HIBADH: variants seen among roughly 807,000 people sequenced by gnomAD.
The protein encoded by HIBADH is 3-hydroxyisobutyrate dehydrogenase.
Under a neutral mutation model 36.1 loss-of-function variants are expected in HIBADH, and 25 were observed. The observed-to-expected ratio is 0.69, with a 90% CI of 0.50 to 0.97. The LOEUF (loss-of-function observed/expected upper bound fraction) is 0.97, where lower values mean the gene tolerates loss of function less well. Ranked by LOEUF, HIBADH falls within the 50% of genes least tolerant of loss-of-function variation. The pLI is 0.00. For missense variants in HIBADH, 421 were observed against 418.0 expected, an observed-to-expected ratio of 1.01 and a Z score of -0.06; for synonymous variants, 160 against 149.5, an observed-to-expected ratio of 1.07 and a Z score of -0.51.
At chr7:27,619,567 G>A (rs1182013661) in intron 4 of HIBADH, among the ~76,000 whole-genome samples, 2 of 152,024 alleles carry the variant, frequency 1.3e-5, no homozygotes, top group Non-Finnish European at 2.9e-5. Flanking sequence ...AAACAAATCA[G>A]AATAACAATT....
At chr7:27,579,768 T>C (rs1322136850) in intron 4 of HIBADH, among the ~76,000 whole-genome samples, 1 of 152,196 alleles carries the variant, frequency 6.6e-6, no homozygotes, top group Non-Finnish European at 1.5e-5. Context: ...ACATTACGTT[T>C]AGAAATGACC....
intron 1 of HIBADH, among the ~76,000 whole-genome samples, chr7:27,657,494 G>C (rs1786328101): frequency 6.6e-6 from 1 of 152,126 alleles, no homozygotes; most frequent in African/African-American, 2.4e-5. Flanking sequence ...CTCAGCAAGA[G>C]AATCACTCCT....
At chr7:27,659,556 A>T (rs42086) in intron 1 of HIBADH, among the ~76,000 whole-genome samples, 53,136 of 151,468 alleles carry the variant, frequency 0.35, 10,440 homozygotes, top group Non-Finnish European at 0.45. Context: ...CTCTACAAAA[A>T]AAATAAATAA....
chr7:27,605,493 G>T, intron 4 of HIBADH, among the ~76,000 whole-genome samples: 1 of 120,630 alleles, frequency 8.3e-6, no homozygotes, highest in Non-Finnish European at 1.7e-5. Flanking sequence ...CCAGGGAGGG[G>T]GGTGGAATCT....
chr7:27,528,560 T>G (rs942033073), intron 7 of HIBADH, among the ~76,000 whole-genome samples: 3 of 152,228 alleles, frequency 2.0e-5, no homozygotes, highest in African/African-American at 4.8e-5. Context: ...AACCAAAGCT[T>G]AACCCAGAAC....
chr7:27,564,257 A>G (rs1272116721), intron 4 of HIBADH, among the ~76,000 whole-genome samples: 1 of 152,180 alleles, frequency 6.6e-6, no homozygotes, highest in African/African-American at 2.4e-5. Flanking sequence ...TTTGGGTGCC[A>G]TATCACAGAA....
chr7:27,541,277 C>T (rs1784147820), intron 5 of HIBADH, among the ~76,000 whole-genome samples: 1 of 152,082 alleles, frequency 6.6e-6, no homozygotes, highest in Non-Finnish European at 1.5e-5. Flanking sequence ...GCTACTTCGC[C>T]TATTTCTTGA....
At chr7:27,607,766 C>T (rs1785255165) in intron 4 of HIBADH, among the ~76,000 whole-genome samples, 4 of 151,718 alleles carry the variant, frequency 2.6e-5, no homozygotes, top group Admixed American at 2.6e-4. Context: ...ATGTTATAGC[C>T]TAAGGTAAAG....
chr7:27,605,586 C>CAAAAAAAAAAAAAAAAA (rs70994666), intron 4 of HIBADH, among the ~76,000 whole-genome samples: 1 of 33,600 alleles, frequency 3.0e-5, no homozygotes, highest in Non-Finnish European at 5.0e-5. Context: ...TTTAGACAAG[C>CAAAAAAAAAAAAAAAAA]AAAAAAAAAA....
Position 27,615,537 on chromosome 7 carries a change from A to C in HIBADH, c.484+13834T>G, listed in dbSNP as rs144765246. Among the ~76,000 whole-genome samples the C allele has an allele frequency of 7.5e-3, 1,143 of 152,294 alleles. 18 individuals are homozygous for C. The highest frequency in any genetic ancestry group is 0.026 in the African/African-American group (1,083 of 41,558). On this transcript the variant is annotated intron_variant, in intron 4 of 7. Transcript: ENST00000265395. ...TCAGTCAATGACAGGCTGCATATAC[A>C]ACACTGGTCCCATGAGATCATCACG...
At chr7:27,594,594 A>G (rs946406245) in intron 4 of HIBADH, among the ~76,000 whole-genome samples, 1 of 152,356 alleles carries the variant, frequency 6.6e-6, no homozygotes, top group East Asian at 1.9e-4. Flanking sequence ...AAATATTAAC[A>G]ATGTTTTGGG....
chr7:27,598,296 C>T (rs553870168), intron 4 of HIBADH, among the ~76,000 whole-genome samples: 34 of 152,216 alleles, frequency 2.2e-4, no homozygotes, highest in African/African-American at 7.9e-4. Flanking sequence ...AACTTCTTTG[C>T]TTTTATTTTC....
intron 4 of HIBADH, among the ~76,000 whole-genome samples, chr7:27,562,920 A>C (rs1260759593): frequency 6.6e-6 from 1 of 151,988 alleles, no homozygotes; most frequent in Non-Finnish European, 1.5e-5. Context: ...TTTTATTTTG[A>C]AATTATCATG....
intron 4 of HIBADH, among the ~76,000 whole-genome samples, chr7:27,549,277 T>TTATGTATG (rs1784280396): frequency 6.6e-6 from 1 of 152,198 alleles, no homozygotes; most frequent in Non-Finnish European, 1.5e-5. Context: ...TTAAGTGCTT[T>TTATGTATG]TATCACAAAA....
chr7:27,626,940 T>C (rs1465766476), intron 4 of HIBADH, among the ~76,000 whole-genome samples: 2 of 152,208 alleles, frequency 1.3e-5, no homozygotes, highest in African/African-American at 2.4e-5. Context: ...ACTGGACTTC[T>C]ATAAAACTGT....
chr7:27,622,378 A>G (rs2128293404), intron 4 of HIBADH, among the ~76,000 whole-genome samples: 1 of 152,336 alleles, frequency 6.6e-6, no homozygotes. Flanking sequence ...TTATAGCAAT[A>G]AATGCCCAAA....
chr7:27,616,813 TTTAA>T (rs1275548699), intron 4 of HIBADH, among the ~76,000 whole-genome samples: 3 of 151,324 alleles, frequency 2.0e-5, no homozygotes, highest in East Asian at 3.9e-4. Flanking sequence ...AAAAAAAATT[TTTAA>T]TTAATAGAAA....
chr7:27,577,014 AG>A (rs1309070357), intron 4 of HIBADH, among the ~76,000 whole-genome samples: 2 of 152,178 alleles, frequency 1.3e-5, no homozygotes, highest in Admixed American at 1.3e-4. Flanking sequence ...CAAATTACTA[AG>A]GTTTATCTTA....
At chr7:27,615,203 T>G (rs1785405242) in intron 4 of HIBADH, among the ~76,000 whole-genome samples, 1 of 152,036 alleles carries the variant, frequency 6.6e-6, no homozygotes, top group Non-Finnish European at 1.5e-5. Flanking sequence ...TTCTGATAAC[T>G]ATGACTGCTA....
Sources: gnomAD v4.1 joint callset for allele counts (sites outside exome capture counted in the v4.1 genomes callset) on GRCh38, gnomAD v4.1.1 for gene constraint, MANE v1.5 for transcripts, NCBI Gene and HGNC (gene_info 2026-07-23, HGNC 2026-07-21) for gene names.